The following TMEM108 variants were observed in gnomAD, a reference collection of about 807,000 sequenced individuals.
TMEM108 encodes the protein cancer/testis antigen 124.
Under a neutral mutation model 35.1 loss-of-function variants are expected in TMEM108, and 12 were observed. That is an observed-to-expected ratio of 0.34 (90% confidence interval 0.22 to 0.55). The LOEUF (loss-of-function observed/expected upper bound fraction) is 0.55. TMEM108 is among the 20% of genes least tolerant of loss of function. The pLI is 0.89. For synonymous variants in TMEM108, 287 were observed against 308.6 expected (o/e 0.93, Z 0.73); for missense variants, 680 against 753.3 (o/e 0.90, Z 1.14).
At chr3:133,045,053 C>T (rs7619416) in intron 1 of TMEM108, among the ~76,000 whole-genome samples, 55,663 of 151,270 alleles carry the variant, frequency 0.37, 10,816 homozygotes, top group Admixed American at 0.45. Flanking sequence ...CTGCAAGCTC[C>T]GCCTTCTGGG....
At chr3:133,305,221 G>A (rs1947285296) in intron 3 of TMEM108, among the ~76,000 whole-genome samples, 1 of 151,632 alleles carries the variant, frequency 6.6e-6, no homozygotes, top group Admixed American at 6.6e-5. Flanking sequence ...GTAGGGACAT[G>A]GATGAAATTG....
intron 3 of TMEM108, among the ~76,000 whole-genome samples, chr3:133,365,153 A>G (rs141139297): frequency 6.6e-6 from 1 of 152,182 alleles, no homozygotes; most frequent in Non-Finnish European, 1.5e-5. Flanking sequence ...CATCCCTCCT[A>G]GCAGCTCCGG....
chr3:133,292,969 A>G (rs998474599), intron 3 of TMEM108, among the ~76,000 whole-genome samples: 1 of 152,224 alleles, frequency 6.6e-6, no homozygotes, highest in African/African-American at 2.4e-5. Context: ...TTCTGAGACC[A>G]GGAATAACAA....
intron 3 of TMEM108, among the ~76,000 whole-genome samples, chr3:133,339,885 A>G (rs1435062385): frequency 3.3e-5 from 5 of 151,876 alleles, no homozygotes; most frequent in Non-Finnish European, 5.9e-5. Flanking sequence ...AAGGAAATTG[A>G]AAATTTTCTT....
intron 2 of TMEM108, among the ~76,000 whole-genome samples, chr3:133,222,092 A>G (rs1446681239): frequency 6.6e-6 from 1 of 152,168 alleles, no homozygotes; most frequent in African/African-American, 2.4e-5. Flanking sequence ...CAGTTCTTGT[A>G]AGACACGCCT....
intron 3 of TMEM108, among the ~76,000 whole-genome samples, chr3:133,377,379 G>A (rs570056403): frequency 6.6e-5 from 10 of 152,326 alleles, no homozygotes; most frequent in Admixed American, 3.9e-4. Context: ...AGGGGCACCA[G>A]AATAACCCTG....
intron 2 of TMEM108, among the ~76,000 whole-genome samples, chr3:133,175,131 G>A (rs1945197532): frequency 6.6e-6 from 1 of 152,138 alleles, no homozygotes; most frequent in African/African-American, 2.4e-5. Flanking sequence ...AGAGAAAAAA[G>A]AGTAAAAAGA....
rs1433265058 is a variant in TMEM108, at chr3:133,126,556, A to T, written c.-47+80536A>T. ...TAGCATTGTCCAATAAAAATGTAAT[A>T]TAAACCTCAAGTATGAGCTTTATAT... is the stretch of plus-strand genomic sequence containing the variant. On this transcript the variant is annotated intron_variant, in intron 2 of 5. Transcript: ENST00000321871. Among the ~76,000 whole-genome samples the T allele has an allele frequency of 4.6e-5, 7 of 152,118 alleles. No individual in the cohort carries two copies. The East Asian group carries it at 1.4e-3, about 29-fold the overall frequency.
intron 2 of TMEM108, among the ~76,000 whole-genome samples, chr3:133,166,527 T>G (rs1945040395): frequency 6.6e-6 from 1 of 152,188 alleles, no homozygotes; most frequent in African/African-American, 2.4e-5. Flanking sequence ...TGTTCGGAGT[T>G]TCTTCCTTCT....
chr3:133,346,049 C>G lies in TMEM108; in HGVS notation c.41-33703C>G, dbSNP rs1242445699. Among the ~76,000 whole-genome samples the G allele has an allele frequency of 6.6e-6, 1 of 151,950 alleles. No homozygotes were observed. The highest frequency in any genetic ancestry group is 2.4e-5 in the African/African-American group (1 of 41,428). On this transcript the variant is annotated intron_variant, in intron 3 of 5. Coordinates refer to ENST00000321871, the MANE Select transcript of TMEM108 (RefSeq NM_023943.4). The surrounding 1 kb of genome is among the most constrained non-coding windows in gnomAD (Gnocchi z 4.0). Reference sequence around the variant, plus strand: ...TGTTCGTTCACCTATTCAAAGACATCTTGGTTGCTTCTAGTTGTTGACAAT... The same window carrying G: ...TGTTCGTTCACCTATTCAAAGACATGTTGGTTGCTTCTAGTTGTTGACAAT...
chr3:133,318,478 C>CAT, intron 3 of TMEM108, among the ~76,000 whole-genome samples: 1 of 152,316 alleles, frequency 6.6e-6, no homozygotes, highest in Non-Finnish European at 1.5e-5. Flanking sequence ...TGCTGAAATT[C>CAT]ATATAGCTAG....
At chr3:133,254,828 A>G (rs908432213) in intron 3 of TMEM108, among the ~76,000 whole-genome samples, 2 of 152,322 alleles carry the variant, frequency 1.3e-5, no homozygotes, top group Middle Eastern at 6.8e-3. Flanking sequence ...TCTCTGTTCC[A>G]TGTTGTCTGG....
intron 3 of TMEM108, among the ~76,000 whole-genome samples, chr3:133,299,174 G>A (rs1166793137): frequency 1.3e-5 from 2 of 152,186 alleles, no homozygotes; most frequent in African/African-American, 4.8e-5. Context: ...CTTGCAGCCA[G>A]CTAGTGCTCA....
intron 2 of TMEM108, among the ~76,000 whole-genome samples, chr3:133,053,842 A>C (rs1047966601): frequency 6.6e-6 from 1 of 152,124 alleles, no homozygotes; most frequent in Non-Finnish European, 1.5e-5. Context: ...TCTTGCTTCC[A>C]TTTATCGTTC....
chr3:133,295,635 C>A (rs9867089), intron 3 of TMEM108, among the ~76,000 whole-genome samples: 43,684 of 152,030 alleles, frequency 0.29, 6,598 homozygotes, highest in African/African-American at 0.35. Flanking sequence ...GCTTGGAATC[C>A]AAGATGTTCC....
intron 3 of TMEM108, among the ~76,000 whole-genome samples, chr3:133,295,762 G>A (rs891769174): frequency 2.5e-4 from 38 of 152,284 alleles, no homozygotes; most frequent in Admixed American, 2.1e-3. Flanking sequence ...ACATTACTTT[G>A]CCTTGTAATT....
rs114498172 is a variant in TMEM108, at chr3:133,379,029, C to G, written c.41-723C>G. ...GGTTGCTCTTCTCTAGACCCCGGTC[C>G]TCTTCTGCCTGTCACTCTTCTATGG... On this transcript the variant is annotated intron_variant, in intron 3 of 5. Transcript: ENST00000321871. 3.0e-3 allele frequency among the ~76,000 whole-genome samples: 456 copies of G among 152,268 alleles called. 3 individuals carry two copies. Among genetic ancestry groups the G allele is most frequent in the African/African-American group, 0.01 (428 of 41,546 alleles).
At chr3:133,086,699 G>T (rs1400666918) in intron 2 of TMEM108, among the ~76,000 whole-genome samples, 1 of 152,180 alleles carries the variant, frequency 6.6e-6, no homozygotes, top group Non-Finnish European at 1.5e-5. Context: ...GGTACTGCCA[G>T]AGATCATACA....
intron 3 of TMEM108, among the ~76,000 whole-genome samples, chr3:133,355,165 A>G (rs2072125170): frequency 6.6e-6 from 1 of 152,232 alleles, no homozygotes; most frequent in African/African-American, 2.4e-5. Flanking sequence ...ATGGTTATAA[A>G]GAAGAAAAAT....
Sources: gnomAD v4.1 joint callset for allele counts (sites outside exome capture counted in the v4.1 genomes callset) on GRCh38, gnomAD v4.1.1 for gene constraint, Gnocchi (gnomAD v3.1) non-coding constraint, MANE v1.5 for transcripts, NCBI Gene and HGNC (gene_info 2026-07-23, HGNC 2026-07-21) for gene names.